Variants in PCDHGA11 observed in about 807,000 individuals in gnomAD.
The protein encoded by PCDHGA11 is protocadherin gamma-A11.
A neutral mutation model predicts 60.4 loss-of-function variants in PCDHGA11; 39 were observed. The observed-to-expected ratio is 0.65, with a 90% CI of 0.50 to 0.84. PCDHGA11 has a LOEUF of 0.84. PCDHGA11 is among the 40% of genes least tolerant of loss of function. The probability of loss-of-function intolerance (pLI) is 0.00; values close to 1 mark genes in which losing one functional copy is unlikely to be tolerated. For synonymous variants in PCDHGA11, 533 were observed against 510.3 expected (o/e 1.04, Z -0.60); for missense variants, 1,165 against 1,197.7 (o/e 0.97, Z 0.40).
At chr5:141,497,568 C>G (rs1012946741) in intron 2 of PCDHGA11, among the ~76,000 whole-genome samples, 2 of 140,602 alleles carry the variant, frequency 1.4e-5, no homozygotes, top group African/African-American at 5.4e-5. Flanking sequence ...TAGACAGAGT[C>G]TTGCTCTGTT....
chr5:141,474,505 A>G (rs2099350724), intron 1 of PCDHGA11, among the ~76,000 whole-genome samples: 2 of 152,248 alleles, frequency 1.3e-5, no homozygotes, highest in Admixed American at 6.5e-5. Context: ...AATGCCTATC[A>G]GCCCTCTTGC....
In PCDHGA11 at chr5:141,491,081, C is replaced by T; in HGVS notation, c.2434-3726C>T. The T allele has an allele frequency of 6.2e-7, 1 of 1,614,176 alleles. No individual in the cohort carries two copies. The highest frequency in any genetic ancestry group is 8.5e-7 in the Non-Finnish European group (1 of 1,180,010). On this transcript the variant is annotated intron_variant, in intron 1 of 3. Coordinates refer to ENST00000398587, the MANE Select transcript of PCDHGA11 (RefSeq NM_018914.3). The surrounding 1 kb of genome is among the most constrained non-coding windows in gnomAD (Gnocchi z 6.9). Reference sequence around the variant, plus strand: ...TCCTACTCACTGTTGCCACAGTCCACAGCCCCAGGACTGTTCCTCGTGTCT... The same window carrying T: ...TCCTACTCACTGTTGCCACAGTCCATAGCCCCAGGACTGTTCCTCGTGTCT...
chr5:141,501,945 T>G (rs1318749969), intron 2 of PCDHGA11, among the ~76,000 whole-genome samples: 5 of 152,106 alleles, frequency 3.3e-5, no homozygotes, highest in African/African-American at 1.2e-4. Context: ...CACTGCTCCC[T>G]GTGACAGGTC....
At position 141,505,390 on chromosome 5, in the gene PCDHGA11, C is replaced by T; in HGVS notation, c.2493-3C>T. On this transcript the variant is annotated splice_polypyrimidine_tract_variant and splice_region_variant and intron_variant, in intron 2 of 3. Coordinates refer to ENST00000398587, the MANE Select transcript of PCDHGA11 (RefSeq NM_018914.3). ...TGTGCTCACCATCCTACTCTCTCCCCAGCTCCCAAAATGGCGATGACACCG... is the reference window on the plus strand; with the variant it reads ...TGTGCTCACCATCCTACTCTCTCCCTAGCTCCCAAAATGGCGATGACACCG... The T allele has an allele frequency of 6.2e-7, 1 of 1,614,130 alleles. No individual in the cohort carries two copies.
rs768648952 is a variant in PCDHGA11, at chr5:141,477,230, G to T, written c.2434-17577G>T. 14 of 1,614,046 alleles carry T rather than the reference G, an allele frequency of 8.7e-6. No homozygotes were observed. The highest frequency in any genetic ancestry group is 4.0e-5 in the African/African-American group (3 of 74,916). On this transcript the variant is annotated intron_variant, in intron 1 of 3. Transcript: ENST00000398587. The surrounding 1 kb of genome is among the most constrained non-coding windows in gnomAD (Gnocchi z 4.9). Reference sequence around the variant, plus strand: ...GGATGCCCCTCTGGGGACTGTCATCGCTTTGCTCAGTGTGACTGACCTGGA... The same window carrying T: ...GGATGCCCCTCTGGGGACTGTCATCTCTTTGCTCAGTGTGACTGACCTGGA...
chr5:141,478,124 T>C (rs776469996), intron 1 of PCDHGA11: 1 of 1,613,978 alleles, frequency 6.2e-7, no homozygotes, highest in South Asian at 1.1e-5. Flanking sequence ...AACCGAGGAC[T>C]CTCCTGAAGC....
Position 141,491,706 on chromosome 5 carries a change from G to T in PCDHGA11, c.2434-3101G>T. 6.2e-7 allele frequency: 1 copy of T among 1,611,088 alleles called. No individual in the cohort carries two copies. Among genetic ancestry groups the T allele is most frequent in the Non-Finnish European group, 8.5e-7 (1 of 1,178,772 alleles). On this transcript the variant is annotated intron_variant, in intron 1 of 3. Coordinates refer to ENST00000398587, the MANE Select transcript of PCDHGA11 (RefSeq NM_018914.3). The surrounding 1 kb of genome is among the most constrained non-coding windows in gnomAD (Gnocchi z 6.9). Reference sequence around the variant, plus strand: ...CGCTGCGGGAGCGGAGCCAGGTGAGGGGCTCGGCGCCGCCCCGGGCGACCC... The same window carrying T: ...CGCTGCGGGAGCGGAGCCAGGTGAGTGGCTCGGCGCCGCCCCGGGCGACCC...
chr5:141,473,776 T>C (rs1026169931), intron 1 of PCDHGA11, among the ~76,000 whole-genome samples: 1 of 152,214 alleles, frequency 6.6e-6, no homozygotes, highest in Non-Finnish European at 1.5e-5. Context: ...TTTGGTATTT[T>C]AATTCAAGAG....
chr5:141,492,632 C>G (rs1359761285), intron 1 of PCDHGA11, among the ~76,000 whole-genome samples: 1 of 152,256 alleles, frequency 6.6e-6, no homozygotes, highest in Non-Finnish European at 1.5e-5. Flanking sequence ...CAGGACTCTA[C>G]GATCCTTGGG....
Position 141,422,444 on chromosome 5 carries a change from T to TA in PCDHGA11, c.1219dup (p.Thr407AsnfsTer40), listed in dbSNP as rs1171104340. 1.9e-6 allele frequency: 3 copies of TA among 1,610,490 alleles called. No homozygotes were observed. The Admixed American group carries it at 5.1e-5, about 27-fold the overall frequency. ...ACTTATGGAAATTATTACAAATTGA[T>TA]AACAAGCAGAGTGCTGGACAGGGAG... On this transcript the variant is annotated frameshift_variant, in exon 1 of 4. Coordinates refer to ENST00000398587, the MANE Select transcript of PCDHGA11 (RefSeq NM_018914.3). LOFTEE classifies it high-confidence loss of function.
At chr5:141,455,534 A>G (rs985347185) in intron 1 of PCDHGA11, among the ~76,000 whole-genome samples, 1 of 152,178 alleles carries the variant, frequency 6.6e-6, no homozygotes, top group Non-Finnish European at 1.5e-5. Flanking sequence ...GACCAGGCAT[A>G]TCATTCACGT....
chr5:141,486,522 A>G lies in PCDHGA11; in HGVS notation c.2434-8285A>G. 1 of 1,614,174 alleles carries G rather than the reference A, an allele frequency of 6.2e-7. No homozygotes were observed. Among genetic ancestry groups the G allele is most frequent in the Non-Finnish European group, 8.5e-7 (1 of 1,180,024 alleles). On this transcript the variant is annotated intron_variant, in intron 1 of 3. Transcript: ENST00000398587. The surrounding 1 kb of genome is among the most constrained non-coding windows in gnomAD (Gnocchi z 5.0). The stretch of plus-strand genomic sequence containing the variant: ...TTCCTCAATATTTCAGATGTGAATG[A>G]TAATCCACCCTCTTTCTTTCAGAGG...
chr5:141,502,518 T>C (rs1388007900), intron 2 of PCDHGA11, among the ~76,000 whole-genome samples: 1 of 152,184 alleles, frequency 6.6e-6, no homozygotes, highest in Non-Finnish European at 1.5e-5. Flanking sequence ...CCACTATCAG[T>C]GATGCCGAGT....
chr5:141,433,837 C>CAAAAAAAAA (rs56191208), intron 1 of PCDHGA11, among the ~76,000 whole-genome samples: 1 of 111,704 alleles, frequency 9.0e-6, no homozygotes, highest in Non-Finnish European at 1.9e-5. Flanking sequence ...AACTCTATCT[C>CAAAAAAAAA]AAAAAAAAAA....
intron 1 of PCDHGA11, among the ~76,000 whole-genome samples, chr5:141,460,183 CCA>C (rs561755067): frequency 7.2e-5 from 11 of 151,782 alleles, no homozygotes; most frequent in Non-Finnish European, 1.0e-4. Context: ...ATATTTTATC[CCA>C]GACTATGACT....
At chr5:141,456,217 A>G (rs1328039447) in intron 1 of PCDHGA11, among the ~76,000 whole-genome samples, 1 of 152,064 alleles carries the variant, frequency 6.6e-6, no homozygotes, top group East Asian at 1.9e-4. Context: ...CCCTGTGGCG[A>G]TATCAAACTA....
At chr5:141,483,333 C>G (rs566443186) in intron 1 of PCDHGA11, among the ~76,000 whole-genome samples, 1 of 152,096 alleles carries the variant, frequency 6.6e-6, no homozygotes, top group East Asian at 1.9e-4. Context: ...GCAAAGAGAT[C>G]TTATCTCTTT....
At chr5:141,482,901 A>T (rs192886570) in intron 1 of PCDHGA11, among the ~76,000 whole-genome samples, 2 of 152,240 alleles carry the variant, frequency 1.3e-5, no homozygotes, top group African/African-American at 4.8e-5. Flanking sequence ...GTGAAACCTC[A>T]TCTCTATTAA....
At chr5:141,451,193 A>T (rs2098710240) in intron 1 of PCDHGA11, among the ~76,000 whole-genome samples, 1 of 152,208 alleles carries the variant, frequency 6.6e-6, no homozygotes, top group Non-Finnish European at 1.5e-5. Context: ...TGTGTAACAA[A>T]TTATCCCAAA....
Sources: allele counts gnomAD v4.1 joint callset (sites outside exome capture counted in the v4.1 genomes callset), GRCh38; gene constraint gnomAD v4.1.1; non-coding constraint Gnocchi (gnomAD v3.1); transcripts MANE v1.5; gene names NCBI Gene and HGNC (gene_info 2026-07-23, HGNC 2026-07-21).